Variants in HMGA2 observed in about 807,000 individuals in gnomAD.
HMGA2 encodes the protein high mobility group protein HMGI-C.
In HMGA2, 8 loss-of-function variants were observed where a neutral mutation model predicts 19.1. That is an observed-to-expected ratio of 0.42 (90% confidence interval 0.25 to 0.76). HMGA2 has a LOEUF of 0.76. HMGA2 is among the 30% of genes least tolerant of loss of function. The probability of loss-of-function intolerance (pLI) is 0.28; values close to 1 mark genes in which losing one functional copy is unlikely to be tolerated. For missense variants in HMGA2, 109 were observed against 136.3 expected (o/e 0.80, Z 1.00); for synonymous variants, 60 against 48.8 (o/e 1.23, Z -0.96).
chr12:65,864,024 G>A (rs1014835822), intron 3 of HMGA2, among the ~76,000 whole-genome samples: 5 of 152,184 alleles, frequency 3.3e-5, no homozygotes, highest in African/African-American at 7.2e-5. Context: ...TCTTAGAAGG[G>A]TTCCATGAAT....
intron 3 of HMGA2, among the ~76,000 whole-genome samples, chr12:65,849,505 T>A (rs1871362804): frequency 6.6e-6 from 1 of 152,188 alleles, no homozygotes; most frequent in East Asian, 1.9e-4. Context: ...ATAGTTTGAT[T>A]TACAAATCAA....
chr12:65,845,564 C>T (rs1414652643), intron 3 of HMGA2, among the ~76,000 whole-genome samples: 1 of 148,978 alleles, frequency 6.7e-6, no homozygotes, highest in Non-Finnish European at 1.5e-5. Context: ...TCACCACTCA[C>T]GGCCTTTAAG....
intron 3 of HMGA2, 81 bp from the exon 4 acceptor site, chr12:65,951,302 C>G: frequency 1.2e-6 from 1 of 813,394 alleles, no homozygotes. Context: ...AGACAAGTAT[C>G]TGTATTTAAA....
chr12:65,927,201 C>T (rs1267077834), intron 3 of HMGA2, among the ~76,000 whole-genome samples: 2 of 152,116 alleles, frequency 1.3e-5, no homozygotes, highest in Non-Finnish European at 2.9e-5. Context: ...GTGGGATGGC[C>T]ATGGGTGCCC....
intron 4 of HMGA2, chr12:65,951,649 T>C: frequency 2.5e-6 from 1 of 395,634 alleles, no homozygotes; most frequent in Non-Finnish European, 4.6e-6. Flanking sequence ...TATAAATTCT[T>C]TTAAAAATAA....
At chr12:65,840,577 G>A (rs971735207) in intron 3 of HMGA2, among the ~76,000 whole-genome samples, 1 of 152,060 alleles carries the variant, frequency 6.6e-6, no homozygotes, top group Non-Finnish European at 1.5e-5. Context: ...GGCCTTTTTT[G>A]CCTTAGACTC....
At chr12:65,827,545 G>A (rs892368567) in intron 1 of HMGA2, among the ~76,000 whole-genome samples, 1 of 151,490 alleles carries the variant, frequency 6.6e-6, no homozygotes. Flanking sequence ...ATGATTAAAG[G>A]CCACCTTTTC....
intron 3 of HMGA2, chr12:65,851,656 T>C (rs1028825356): frequency 6.7e-6 from 3 of 444,736 alleles, no homozygotes; most frequent in African/African-American, 2.0e-5. Flanking sequence ...CGAGACTCTG[T>C]CTCAAAACAA....
chr12:65,963,337 T>C lies in HMGA2; in HGVS notation c.*45T>C. ...TCTACCTCAGCAGCAGTTGGATCTT[T>C]TGAAGGGAGAAGACACTGCAGTGAC... On this transcript the variant is annotated 3_prime_UTR_variant, in exon 5 of 5. Transcript: ENST00000403681. 1 of 1,558,182 alleles carries C rather than the reference T, an allele frequency of 6.4e-7. No individual in the cohort carries two copies.
chr12:65,883,872 T>A (rs1873546281), intron 3 of HMGA2, among the ~76,000 whole-genome samples: 1 of 152,116 alleles, frequency 6.6e-6, no homozygotes, highest in African/African-American at 2.4e-5. Flanking sequence ...CGTGGTTCGG[T>A]TTGTTAGTTT....
intron 2 of HMGA2, among the ~76,000 whole-genome samples, chr12:65,833,738 T>C (rs1870578436): frequency 6.6e-6 from 1 of 152,196 alleles, no homozygotes; most frequent in South Asian, 2.1e-4. Context: ...CTTCACTGCA[T>C]TGAAATCAGA....
At position 65,963,357 on chromosome 12, in the gene HMGA2, A is replaced by T; in HGVS notation, c.*65A>T. 8.9e-7 allele frequency: 1 copy of T among 1,126,832 alleles called. No homozygotes were observed. The highest frequency in any genetic ancestry group is 1.2e-6 in the Non-Finnish European group (1 of 802,850). 69.8% of individuals were successfully genotyped at this position (1,126,832 alleles called of 1,614,324 possible). ...ATCTTTTGAAGGGAGAAGACACTGC[A>T]GTGACCACTTATTCTGTATTGCCAT... On this transcript the variant is annotated 3_prime_UTR_variant, in exon 5 of 5. Transcript: ENST00000403681.
chr12:65,945,545 G>GAA (rs1441927503), intron 3 of HMGA2, among the ~76,000 whole-genome samples: 2 of 151,900 alleles, frequency 1.3e-5, no homozygotes, highest in Admixed American at 1.3e-4. Context: ...TATACAGAGA[G>GAA]AAAGGTTGTG....
rs60377295 is a variant in HMGA2, at chr12:65,838,393, CAA to C, written c.199-114_199-113del. 4.8e-3 allele frequency: 2,834 copies of C among 587,734 alleles called. 2 individuals are homozygous for C. The highest frequency in any genetic ancestry group is 8.9e-3 in the South Asian group (426 of 48,036). 36.4% of individuals were successfully genotyped at this position (587,734 alleles called of 1,614,324 possible). On this transcript the variant is annotated intron_variant, in intron 2 of 4. Coordinates refer to ENST00000403681, the MANE Select transcript of HMGA2 (RefSeq NM_003483.6). ...AGGAGACGAAGTTTGTTAAAAAAAA[CAA>C]AAAAAAAAAAACCGATACGTCATCT...
intron 3 of HMGA2, among the ~76,000 whole-genome samples, chr12:65,932,220 T>G (rs929344065): frequency 9.2e-5 from 14 of 152,232 alleles, no homozygotes; most frequent in Non-Finnish European, 2.1e-4. Flanking sequence ...ATTTTCCAGA[T>G]AGTTGAGTTA....
chr12:65,935,713 TAG>T (rs1344347854), intron 3 of HMGA2, among the ~76,000 whole-genome samples: 3 of 152,222 alleles, frequency 2.0e-5, no homozygotes, highest in African/African-American at 4.8e-5. Context: ...GAGTTATTTT[TAG>T]AGAGTGGTAA....
At chr12:65,835,181 C>A (rs1425507120) in intron 2 of HMGA2, among the ~76,000 whole-genome samples, 1 of 152,146 alleles carries the variant, frequency 6.6e-6, no homozygotes, top group Non-Finnish European at 1.5e-5. Flanking sequence ...TACAGTATTG[C>A]ATATGTTAAA....
chr12:65,830,001 T>C (rs1359583422), intron 2 of HMGA2, among the ~76,000 whole-genome samples: 1 of 151,970 alleles, frequency 6.6e-6, no homozygotes. Context: ...AAAACAGAAG[T>C]AGGCTTTCTT....
chr12:65,902,067 T>G (rs77975788), intron 3 of HMGA2, among the ~76,000 whole-genome samples: 1,863 of 152,324 alleles, frequency 0.012, 40 homozygotes, highest in African/African-American at 0.043. Context: ...TGTAGCAAAC[T>G]TTGTCCTGGG....
Sources: allele counts gnomAD v4.1 joint callset (sites outside exome capture counted in the v4.1 genomes callset), GRCh38; gene constraint gnomAD v4.1.1; transcripts MANE v1.5; gene names NCBI Gene and HGNC (gene_info 2026-07-23, HGNC 2026-07-21).